The following IL18R1 variants were observed in gnomAD, a reference collection of about 807,000 sequenced individuals.
The protein encoded by IL18R1 is interleukin 18 receptor 1.
IL18R1 carries 40 observed loss-of-function variants against 48.5 expected under a neutral mutation model. The ratio of observed to expected loss-of-function variants is 0.82; its 90% CI spans 0.64 to 1.07. The LOEUF (loss-of-function observed/expected upper bound fraction) is 1.07, where lower values mean the gene tolerates loss of function less well. IL18R1 is among the 50% of genes least tolerant of loss of function. IL18R1 has a pLI of 0.00. For missense variants in IL18R1, 596 were observed against 633.7 expected (o/e 0.94, Z 0.64); for synonymous variants, 232 against 225.9 (o/e 1.03, Z -0.24).
chr2:102,394,687 A>G (rs1185930389), intron 10 of IL18R1, 60 bp downstream of exon 10: 1 of 1,448,048 alleles, frequency 6.9e-7, no homozygotes. Context: ...AAAATGAATG[A>G]GCTAGCCCCC....
At chr2:102,360,496 C>T (rs1403043647) in intron 1 of IL18R1, among the ~76,000 whole-genome samples, 1 of 152,148 alleles carries the variant, frequency 6.6e-6, no homozygotes, top group African/African-American at 2.4e-5. Context: ...GTCTCCTGAC[C>T]TCATGATCCG....
intron 6 of IL18R1, 131 bp from the exon 7 acceptor site, chr2:102,384,747 C>T: frequency 1.1e-6 from 1 of 884,152 alleles, no homozygotes; most frequent in Non-Finnish European, 1.7e-6. Context: ...TAAAGCAAGG[C>T]ATATTTATTC....
intron 4 of IL18R1, among the ~76,000 whole-genome samples, chr2:102,372,652 T>C (rs746940612): frequency 6.6e-6 from 1 of 152,176 alleles, no homozygotes; most frequent in Non-Finnish European, 1.5e-5. Context: ...TTTTATTTTT[T>C]TATGTTTTTT....
chr2:102,380,833 C>T (rs1281335170), intron 5 of IL18R1, among the ~76,000 whole-genome samples: 2 of 152,182 alleles, frequency 1.3e-5, no homozygotes, highest in Non-Finnish European at 1.5e-5. Context: ...AGTGGGGCTA[C>T]TAGCAGGGAA....
In IL18R1 at chr2:102,375,991, T is replaced by C. The variant is rs1243191523; in HGVS notation, c.553T>C (p.Cys185Arg). ...GTTTGAAGATCAGGGGTATTACTCCTGCGTGCATTTCCTTCATCATAATGG... is the reference window on the plus strand; with the variant it reads ...GTTTGAAGATCAGGGGTATTACTCCCGCGTGCATTTCCTTCATCATAATGG... ...AEFEDQGYYS[C>R]VHFLHHNGKL... Residue 185 changes from cysteine to arginine, a missense_variant, in exon 5 of 11, where the codon TGC becomes CGC. Transcript: ENST00000233957. The C allele has an allele frequency of 1.2e-6, 2 of 1,608,636 alleles. No homozygotes were observed. The highest frequency in any genetic ancestry group is 1.7e-6 in the Non-Finnish European group (2 of 1,178,092).
In IL18R1 at chr2:102,362,722, A is replaced by G; in HGVS notation, c.58+4A>G. 2 of 1,550,286 alleles carry G rather than the reference A, an allele frequency of 1.3e-6. No homozygotes were observed. Among genetic ancestry groups the G allele is most frequent in the Middle Eastern group, 1.7e-4 (1 of 5,914 alleles). ...CTTATATCTGTAAGCACTGCAGGTAAGTGATTATACATACTCTCAAACATA... is the reference window on the plus strand; with the variant it reads ...CTTATATCTGTAAGCACTGCAGGTAGGTGATTATACATACTCTCAAACATA... On this transcript the variant is annotated splice_donor_region_variant and intron_variant, in intron 2 of 10. Coordinates refer to ENST00000233957, the MANE Select transcript of IL18R1 (RefSeq NM_003855.5).
intron 4 of IL18R1, 91 bp from the exon 5 acceptor site, chr2:102,375,816 T>C (rs370953101): frequency 4.9e-6 from 4 of 810,398 alleles, no homozygotes; most frequent in South Asian, 3.0e-5. Context: ...TTTTCCTTTT[T>C]CTCTAAAGAT....
chr2:102,398,695 C>T lies in IL18R1; in HGVS notation c.*1809C>T, dbSNP rs1680941633. The T allele has an allele frequency of 6.6e-6, 1 of 152,282 alleles. No homozygotes were observed. The allele number at this position is 152,282 out of a possible 1,614,324, so 9.4% of individuals were successfully genotyped here. A position where few individuals can be genotyped will look rare whatever the true frequency, so the allele number is the denominator to read the frequency against. On this transcript the variant is annotated 3_prime_UTR_variant, in exon 11 of 11. Coordinates refer to ENST00000233957, the MANE Select transcript of IL18R1 (RefSeq NM_003855.5). Reference sequence around the variant, plus strand: ...AATATATTTTGCATTAAATGCATTTCAAGTTAAATGTCTTAAATGTATACA... The same window carrying T: ...AATATATTTTGCATTAAATGCATTTTAAGTTAAATGTCTTAAATGTATACA...
intron 9 of IL18R1, among the ~76,000 whole-genome samples, chr2:102,392,386 C>T (rs1420081525): frequency 1.3e-5 from 2 of 152,170 alleles, no homozygotes; most frequent in East Asian, 1.9e-4. Context: ...CTCTTTCTGA[C>T]TTTCTGGAGC....
chr2:102,370,143 C>T (rs1679168133), intron 3 of IL18R1, among the ~76,000 whole-genome samples: 1 of 152,094 alleles, frequency 6.6e-6, no homozygotes, highest in Non-Finnish European at 1.5e-5. Context: ...GGTCAGTTGG[C>T]CTCAGTGTTA....
Position 102,367,977 on chromosome 2 carries a change from A to G in IL18R1, c.211A>G (p.Arg71Gly). The change falls in exon 3 of 11, where the codon AGG becomes GGG. Residue 71 changes from arginine to glycine, a missense_variant. Transcript: ENST00000233957. ...ACAGGAACATGTGGAGCTGAACCCA[A>G]GGAGTTCCTCGAGAATTGCTTTGCA... ...GSQEHVELNPRSSSRIALHDC... is the reference protein window; with the variant it reads ...GSQEHVELNPGSSSRIALHDC... 1 of 1,614,234 alleles carries G rather than the reference A, an allele frequency of 6.2e-7. No individual in the cohort carries two copies. The highest frequency in any genetic ancestry group is 8.5e-7 in the Non-Finnish European group (1 of 1,180,036).
intron 4 of IL18R1, among the ~76,000 whole-genome samples, chr2:102,375,245 G>A (rs963677433): frequency 2.0e-5 from 3 of 152,064 alleles, no homozygotes; most frequent in African/African-American, 7.2e-5. Flanking sequence ...CCTACCTCTG[G>A]GTGTCAGATG....
At chr2:102,375,827 C>T in intron 4 of IL18R1, 80 bp from the exon 5 acceptor site, 2 of 935,910 alleles carry the variant, frequency 2.1e-6, no homozygotes, top group Non-Finnish European at 3.0e-6. Context: ...CTCTAAAGAT[C>T]TTTAACTCAA....
intron 5 of IL18R1, among the ~76,000 whole-genome samples, chr2:102,380,725 G>A (rs894461871): frequency 6.6e-6 from 1 of 152,154 alleles, no homozygotes; most frequent in Non-Finnish European, 1.5e-5. Flanking sequence ...GCACTCCTGA[G>A]TCTCACTGTA....
At chr2:102,356,438 C>T in intron 1 of IL18R1, 38 bp downstream of exon 1, 6 of 530,446 alleles carry the variant, frequency 1.1e-5, no homozygotes, top group Middle Eastern at 9.4e-4. Context: ...ATCCCCTCCC[C>T]ACCCCCCAGA....
At chr2:102,383,968 G>A (rs1408643517) in intron 6 of IL18R1, among the ~76,000 whole-genome samples, 1 of 151,928 alleles carries the variant, frequency 6.6e-6, no homozygotes, top group Non-Finnish European at 1.5e-5. Flanking sequence ...ATTGATTATG[G>A]TGCACATTTT....
chr2:102,381,661 A>G lies in IL18R1; in HGVS notation c.667A>G (p.Asn223Asp). ...IVPVLLGPKL[N>D]HVAVELGKNV... ...TCCGGTTCTTCTTGGACCAAAGCTT[A>G]ACCATGTTGCAGTGGAATTAGGTAT... is the stretch of plus-strand genomic sequence containing the variant. The change falls in exon 6 of 11, where the codon AAC becomes GAC. Residue 223 changes from asparagine to aspartate, a missense_variant. By Grantham distance (23) the Asn-to-Asp change is conservative. This residue lies in a region of IL18R1 where 360 missense variants were observed against 339.4 expected (regional missense o/e 1.06). Transcript: ENST00000233957. 6.2e-7 allele frequency: 1 copy of G among 1,612,744 alleles called. No homozygotes were observed. The highest frequency in any genetic ancestry group is 8.5e-7 in the Non-Finnish European group (1 of 1,178,770).
chr2:102,390,804 G>A (rs1049668975), intron 9 of IL18R1, among the ~76,000 whole-genome samples: 4 of 152,056 alleles, frequency 2.6e-5, no homozygotes, highest in African/African-American at 9.6e-5. Context: ...GTGGTGGTAG[G>A]CGCCTGTAGT....
At chr2:102,380,769 C>T (rs1679875204) in intron 5 of IL18R1, among the ~76,000 whole-genome samples, 1 of 152,176 alleles carries the variant, frequency 6.6e-6, no homozygotes, top group Non-Finnish European at 1.5e-5. Flanking sequence ...TTGCTGAGCA[C>T]CTGCAAGTCC....
Sources: allele counts gnomAD v4.1 joint callset (sites outside exome capture counted in the v4.1 genomes callset), GRCh38; gene constraint gnomAD v4.1.1; regional missense constraint gnomAD v4.1.1; transcripts MANE v1.5; gene names NCBI Gene and HGNC (gene_info 2026-07-23, HGNC 2026-07-21).